Variants in DOCK1 observed in about 807,000 individuals in gnomAD.
The protein encoded by DOCK1 is dedicator of cytokinesis 1.
DOCK1 carries 138 observed loss-of-function variants against 262.7 expected under a neutral mutation model. That is an observed-to-expected ratio of 0.53 (90% confidence interval 0.46 to 0.61). DOCK1 has a LOEUF of 0.61. Among genes scored for constraint, DOCK1 ranks in the 20% least tolerant of loss-of-function variants. The pLI is 0.00. For synonymous variants in DOCK1, 866 were observed against 867.4 expected, an observed-to-expected ratio of 1.00 and a Z score of 0.03; for missense variants, 1,908 against 2,370.7, an observed-to-expected ratio of 0.80 and a Z score of 4.05.
chr10:127,052,525 CAAAAAAA>C (rs71490107), intron 21 of DOCK1, among the ~76,000 whole-genome samples, 149 bp from the exon 22 acceptor site: 1 of 138,806 alleles, frequency 7.2e-6, no homozygotes, highest in African/African-American at 2.7e-5. Flanking sequence ...CTGTCTCAAA[CAAAAAAA>C]AAAAAAAAGA....
chr10:126,947,066 T>A (rs1179655864), intron 1 of DOCK1, among the ~76,000 whole-genome samples: 1 of 152,386 alleles, frequency 6.6e-6, no homozygotes, highest in East Asian at 1.9e-4. Context: ...GGCAGCAGCA[T>A]GCCCTCCTTC....
intron 27 of DOCK1, among the ~76,000 whole-genome samples, chr10:127,196,695 C>T (rs2057187953): frequency 6.9e-6 from 1 of 145,078 alleles, no homozygotes; most frequent in Non-Finnish European, 1.5e-5. Context: ...AGCCCCCTCC[C>T]GCCGCCGCCA....
intron 42 of DOCK1, 132 bp from the exon 43 acceptor site, chr10:127,410,708 C>G (rs45488799): frequency 0.06 from 43,145 of 722,188 alleles, 1,580 homozygotes; most frequent in Non-Finnish European, 0.071. Flanking sequence ...GACACCAAGG[C>G]GATGGCTTCA....
intron 32 of DOCK1, among the ~76,000 whole-genome samples, chr10:127,356,369 T>G (rs538149181): frequency 1.3e-5 from 2 of 152,366 alleles, no homozygotes; most frequent in East Asian, 3.9e-4. Context: ...GTGGTTGGAC[T>G]GAATTTTTCA....
At chr10:127,027,799 G>A (rs1443728873) in intron 16 of DOCK1, among the ~76,000 whole-genome samples, 1 of 151,922 alleles carries the variant, frequency 6.6e-6, no homozygotes, top group East Asian at 1.9e-4. Flanking sequence ...GGGTGTGCCT[G>A]GACAGGGGGG....
chr10:127,051,606 A>G (rs1271577263), intron 21 of DOCK1, among the ~76,000 whole-genome samples: 1 of 152,184 alleles, frequency 6.6e-6, no homozygotes, highest in Non-Finnish European at 1.5e-5. Context: ...TTTTGAGACA[A>G]GGTTTCACTC....
intron 28 of DOCK1, among the ~76,000 whole-genome samples, chr10:127,251,371 A>AT (rs906190388): frequency 2.7e-5 from 4 of 150,684 alleles, no homozygotes; most frequent in East Asian, 2.0e-4. Flanking sequence ...AACACTTTCC[A>AT]TTTTTTTTTA....
In DOCK1 at chr10:127,316,381, G is replaced by A. The variant is rs544281223; in HGVS notation, c.3045-22625G>A. Among the ~76,000 whole-genome samples, 8 of 152,280 alleles carry A rather than the reference G, an allele frequency of 5.3e-5. No homozygotes were observed. In the East Asian group the frequency reaches 1.4e-3, roughly 26 times the overall value. On this transcript the variant is annotated intron_variant, in intron 29 of 51. Coordinates refer to ENST00000623213, the MANE Select transcript of DOCK1 (RefSeq NM_001290223.2). The stretch of plus-strand genomic sequence containing the variant: ...GACTGATGCACTGTATCTATGTGAC[G>A]ATAAAACTCCATCATATTAGTTAGA...
At chr10:126,989,665 C>A (rs2134989458) in intron 5 of DOCK1, among the ~76,000 whole-genome samples, 1 of 152,314 alleles carries the variant, frequency 6.6e-6, no homozygotes, top group Non-Finnish European at 1.5e-5. Flanking sequence ...ACCTAAATTT[C>A]TTTTCATGGA....
chr10:126,932,428 A>G (rs1050034863), intron 1 of DOCK1, among the ~76,000 whole-genome samples: 29 of 152,366 alleles, frequency 1.9e-4, no homozygotes, highest in African/African-American at 6.7e-4. Flanking sequence ...GCTTTTGACT[A>G]AACCCAATCA....
At chr10:127,139,373 C>T (rs898839517) in intron 27 of DOCK1, among the ~76,000 whole-genome samples, 1 of 151,854 alleles carries the variant, frequency 6.6e-6, no homozygotes, top group Admixed American at 6.6e-5. Context: ...TTGTCAGTGA[C>T]TCTAATATTA....
At chr10:127,421,902 C>T (rs1315504032) in intron 46 of DOCK1, among the ~76,000 whole-genome samples, 1 of 152,166 alleles carries the variant, frequency 6.6e-6, no homozygotes, top group East Asian at 1.9e-4. Context: ...GTTGTTTCTA[C>T]CTTTTGGCTG....
At chr10:127,342,526 GA>G (rs2063479291) in intron 30 of DOCK1, among the ~76,000 whole-genome samples, 1 of 152,182 alleles carries the variant, frequency 6.6e-6, no homozygotes, top group Non-Finnish European at 1.5e-5. Flanking sequence ...TATTACTATA[GA>G]AAGTGTGCTG....
At chr10:127,263,778 TG>T (rs1489432967) in intron 29 of DOCK1, among the ~76,000 whole-genome samples, 1 of 152,184 alleles carries the variant, frequency 6.6e-6, no homozygotes, top group Admixed American at 6.5e-5. Context: ...AATCATACCA[TG>T]GCTATCATAG....
At chr10:127,177,865 C>T (rs1414557263) in intron 27 of DOCK1, among the ~76,000 whole-genome samples, 1 of 152,222 alleles carries the variant, frequency 6.6e-6, no homozygotes. Flanking sequence ...CTACACTTCC[C>T]ATTTCAAGGA....
intron 8 of DOCK1, 63 bp downstream of exon 8, chr10:126,998,312 A>G: frequency 6.2e-7 from 1 of 1,603,028 alleles, no homozygotes; most frequent in South Asian, 1.1e-5. Context: ...TTGGGATCAG[A>G]ACCACTGAAG....
At chr10:127,281,758 C>G (rs963466211) in intron 29 of DOCK1, among the ~76,000 whole-genome samples, 11 of 152,226 alleles carry the variant, frequency 7.2e-5, no homozygotes, top group African/African-American at 2.2e-4. Flanking sequence ...TCCTTTTGAC[C>G]GGGATGATTT....
chr10:127,451,498 G>C lies in DOCK1; in HGVS notation c.*71G>C. On this transcript the variant is annotated 3_prime_UTR_variant, in exon 52 of 52. Transcript: ENST00000623213. ...CATGCCCTCTCCTTCTGTGTCCCCT[G>C]AGTCTGCTGTTTACCTCATTGGGCC... The C allele has an allele frequency of 6.5e-7, 1 of 1,545,542 alleles. No individual in the cohort carries two copies.
At chr10:127,415,314 T>G in intron 44 of DOCK1, 76 bp downstream of exon 44, 1 of 1,440,838 alleles carries the variant, frequency 6.9e-7, no homozygotes, top group African/African-American at 1.4e-5. Context: ...CTTCACCTGC[T>G]CATGCCCCGT....
Sources: gnomAD v4.1 joint callset for allele counts (sites outside exome capture counted in the v4.1 genomes callset) on GRCh38, gnomAD v4.1.1 for gene constraint, MANE v1.5 for transcripts, NCBI Gene and HGNC (gene_info 2026-07-23, HGNC 2026-07-21) for gene names.